Variants in ZNF704 observed in about 807,000 individuals in gnomAD.
The protein encoded by ZNF704 is zinc finger protein 704, also known as glucocorticoid induced gene 1.
ZNF704 carries 10 observed loss-of-function variants against 44.7 expected under a neutral mutation model. That is an observed-to-expected ratio of 0.22 (90% CI 0.14 to 0.38). The LOEUF is 0.38. Among genes scored for constraint, ZNF704 ranks in the 10% least tolerant of loss-of-function variants. ZNF704 has a pLI of 1.00. For synonymous variants in ZNF704, 211 were observed against 207.6 expected, an observed-to-expected ratio of 1.02 and a Z score of -0.14; for missense variants, 390 against 545.5, an observed-to-expected ratio of 0.71 and a Z score of 2.84.
intron 2 of ZNF704, among the ~76,000 whole-genome samples, chr8:80,774,018 T>C (rs1008053186): frequency 4.6e-5 from 7 of 152,012 alleles, no homozygotes; most frequent in African/African-American, 1.2e-4. Context: ...TTTTGTATTA[T>C]GTGATGAGAT....
chr8:80,730,040 C>T (rs1162964926), intron 2 of ZNF704, among the ~76,000 whole-genome samples: 1 of 152,112 alleles, frequency 6.6e-6, no homozygotes, highest in Non-Finnish European at 1.5e-5. Flanking sequence ...TGAACAACAC[C>T]AACACCTATG....
chr8:80,690,548 A>G (rs776071221), intron 3 of ZNF704, among the ~76,000 whole-genome samples: 2 of 152,196 alleles, frequency 1.3e-5, no homozygotes, highest in East Asian at 1.9e-4. Context: ...GCGTGTTACC[A>G]TACCTGACTA....
chr8:80,659,920 T>C (rs1230515350), intron 6 of ZNF704, among the ~76,000 whole-genome samples: 2 of 152,212 alleles, frequency 1.3e-5, no homozygotes, highest in East Asian at 1.9e-4. Flanking sequence ...TTTTTGACTG[T>C]TGATTTCTGA....
chr8:80,720,857 T>C (rs1231039920), intron 2 of ZNF704, among the ~76,000 whole-genome samples: 1 of 152,196 alleles, frequency 6.6e-6, no homozygotes, highest in African/African-American at 2.4e-5. Context: ...ATGCAGCCAG[T>C]CACCCAGGGA....
chr8:80,689,171 T>A (rs536716077), intron 3 of ZNF704, among the ~76,000 whole-genome samples: 45 of 152,266 alleles, frequency 3.0e-4, no homozygotes, highest in Non-Finnish European at 5.6e-4. Context: ...ATTAAAAAAA[T>A]ACTGTTAATG....
chr8:80,759,751 G>A (rs1193782085), intron 2 of ZNF704, among the ~76,000 whole-genome samples: 1 of 152,106 alleles, frequency 6.6e-6, no homozygotes, highest in Non-Finnish European at 1.5e-5. Context: ...CTCCAGCCCT[G>A]GCTGACACTG....
intron 5 of ZNF704, among the ~76,000 whole-genome samples, chr8:80,667,648 A>G (rs952827395): frequency 6.6e-6 from 1 of 152,216 alleles, no homozygotes; most frequent in African/African-American, 2.4e-5. Flanking sequence ...CTCCACACAC[A>G]TCGGTGTATT....
intron 2 of ZNF704, among the ~76,000 whole-genome samples, chr8:80,737,337 G>A (rs762368155): frequency 6.6e-6 from 1 of 152,176 alleles, no homozygotes; most frequent in Non-Finnish European, 1.5e-5. Flanking sequence ...GAGGCTGGAT[G>A]GTCCTTTTAT....
At chr8:80,830,299 T>C (rs182029813) in intron 1 of ZNF704, among the ~76,000 whole-genome samples, 1 of 152,278 alleles carries the variant, frequency 6.6e-6, no homozygotes, top group African/African-American at 2.4e-5. Flanking sequence ...GCAGCAGCAG[T>C]AGAAGGTGAC....
chr8:80,738,956 C>A (rs766416211), intron 2 of ZNF704, among the ~76,000 whole-genome samples: 16 of 152,164 alleles, frequency 1.1e-4, no homozygotes, highest in Non-Finnish European at 2.1e-4. Flanking sequence ...ACCAGCATGA[C>A]TGGATAGAAC....
intron 7 of ZNF704, among the ~76,000 whole-genome samples, chr8:80,648,124 C>T (rs1817861384): frequency 6.6e-6 from 1 of 152,138 alleles, no homozygotes; most frequent in Non-Finnish European, 1.5e-5. Context: ...CTAATCCATT[C>T]ATGAGAGTAG....
the ZNF704 span, among the ~76,000 whole-genome samples, chr8:80,882,348 T>C: frequency 1.3e-5 from 2 of 152,252 alleles, no homozygotes; most frequent in Admixed American, 6.5e-5. Context: ...CATTTTGTTT[T>C]AATTTATGTC....
intron 1 of ZNF704, among the ~76,000 whole-genome samples, chr8:80,861,705 C>T (rs1269783200): frequency 6.6e-6 from 1 of 151,826 alleles, no homozygotes; most frequent in African/African-American, 2.4e-5. Context: ...CCTTGGTATG[C>T]TCCCTCAATC....
At chr8:80,686,839 T>C (rs1010833596) in intron 4 of ZNF704, among the ~76,000 whole-genome samples, 2 of 152,022 alleles carry the variant, frequency 1.3e-5, no homozygotes, top group Non-Finnish European at 2.9e-5. Context: ...TCAGGGCTGA[T>C]TGAGAAAAGA....
At chr8:80,791,824 C>T (rs1947892745) in intron 2 of ZNF704, among the ~76,000 whole-genome samples, 1 of 152,136 alleles carries the variant, frequency 6.6e-6, no homozygotes, top group Non-Finnish European at 1.5e-5. Context: ...CAGCCAGGTA[C>T]ATTAAGTTGG....
intron 5 of ZNF704, among the ~76,000 whole-genome samples, chr8:80,668,717 C>A (rs1450114169): frequency 6.6e-6 from 1 of 152,168 alleles, no homozygotes; most frequent in African/African-American, 2.4e-5. Context: ...ACTGCAGACA[C>A]ATCAGAGGTG....
intron 7 of ZNF704, among the ~76,000 whole-genome samples, chr8:80,649,094 A>C (rs1421061474): frequency 6.6e-6 from 1 of 152,198 alleles, no homozygotes; most frequent in Non-Finnish European, 1.5e-5. Flanking sequence ...TGGACAGTAT[A>C]ATATGATAAT....
In ZNF704 at chr8:80,635,791, G is replaced by A. The variant is rs1391390317; in HGVS notation, c.*5575C>T. ...GAAAACACACTAGTAATGGTAAAAG[G>A]AGTAGCTGTTGCTATCTTGATTCTC... On this transcript the variant is annotated 3_prime_UTR_variant, in exon 9 of 9. Coordinates refer to ENST00000327835, the MANE Select transcript of ZNF704 (RefSeq NM_001033723.3). 2.0e-5 allele frequency: 3 copies of A among 152,140 alleles called. No homozygotes were observed. The highest frequency in any genetic ancestry group is 1.9e-4 in the East Asian group (1 of 5,204). The allele number at this position is 152,140 out of a possible 1,614,324, so 9.4% of individuals were successfully genotyped here.
chr8:80,722,479 T>G (rs1359465626), intron 2 of ZNF704, among the ~76,000 whole-genome samples: 1 of 152,216 alleles, frequency 6.6e-6, no homozygotes, highest in African/African-American at 2.4e-5. Flanking sequence ...AAGTGTAAGT[T>G]ATCACTGCAT....
Sources: allele counts gnomAD v4.1 joint callset (sites outside exome capture counted in the v4.1 genomes callset), GRCh38; gene constraint gnomAD v4.1.1; transcripts MANE v1.5; gene names NCBI Gene and HGNC (gene_info 2026-07-23, HGNC 2026-07-21).